DIDO1: variants seen among roughly 807,000 people sequenced by gnomAD.
The protein encoded by DIDO1 is death inducer-obliterator 1, also known as death-inducer obliterator 1.
A neutral mutation model predicts 99.4 loss-of-function variants in DIDO1; 16 were observed. The ratio of observed to expected loss-of-function variants is 0.16; its 90% confidence interval spans 0.11 to 0.24. The LOEUF is 0.24. Among genes scored for constraint, DIDO1 ranks in the 10% least tolerant of loss-of-function variants. DIDO1 has a pLI of 1.00. For synonymous variants in DIDO1, 1,366 were observed against 1,239.1 expected, an observed-to-expected ratio of 1.10 and a Z score of -2.15; for missense variants, 2,996 against 3,014.0, an observed-to-expected ratio of 0.99 and a Z score of 0.14.
chr20:62,905,460 C>T (rs1055388711), intron 6 of DIDO1: 2 of 1,538,872 alleles, frequency 1.3e-6, no homozygotes, highest in Non-Finnish European at 1.8e-6. Flanking sequence ...ATGTGCTGGC[C>T]GTGGACAATG....
Position 62,881,253 on chromosome 20 carries a change from G to T in DIDO1, c.4703C>A (p.Thr1568Asn). The change falls in exon 16 of 16, where the codon ACT (threonine) becomes AAT (asparagine). Residue 1568 changes from threonine (T) to asparagine (N), a missense_variant. By Grantham distance (65) the Thr-to-Asn change is moderately conservative (BLOSUM62 0). This residue lies in a region of DIDO1 where 1,562 missense variants were observed against 1,412.6 expected (regional missense o/e 1.11). Transcript: ENST00000395343. This position sits in a 1 kb window ranked among gnomAD's most constrained non-coding sequence, Gnocchi z 8.3. ...CTCCCCCTCCCCCTCACCGGTCTCAGTGGCCAGGCGCCTCGCCTGCCGGGG... is the reference window on the plus strand; with the variant it reads ...CTCCCCCTCCCCCTCACCGGTCTCATTGGCCAGGCGCCTCGCCTGCCGGGG... ...RDPRQARRLA[T>N]ETGEGEGEPL... 6.2e-7 allele frequency: 1 copy of T among 1,602,898 alleles called. No individual in the cohort carries two copies.
chr20:62,929,692 A>G (rs1158325042), upstream of DIDO1, among the ~76,000 whole-genome samples: 1 of 63,710 alleles, frequency 1.6e-5, no homozygotes, highest in African/African-American at 7.6e-5. Flanking sequence ...AAAAAGAAAA[A>G]GTGTATATAT....
At position 62,882,187 on chromosome 20, in the gene DIDO1, G is replaced by A. The variant is rs906699124; in HGVS notation, c.3769C>T (p.Pro1257Ser). 6.2e-7 allele frequency: 1 copy of A among 1,613,534 alleles called. No homozygotes were observed. Among genetic ancestry groups the A allele is most frequent in the Non-Finnish European group, 8.5e-7 (1 of 1,180,036 alleles). Reference protein sequence around the residue: ...CSADAAVSTTPPGSPPPPPPL... With the variant: ...CSADAAVSTTSPGSPPPPPPL... ...GGCGGAGGCGGCGGCGACCCAGGAG[G>A]TGTGGTGCTGACAGCCGCGTCTGCA... Residue 1257 changes from proline to serine, a missense_variant, in exon 16 of 16, where the codon CCT becomes TCT. This residue lies in a region of DIDO1 where 1,562 missense variants were observed against 1,412.6 expected (regional missense o/e 1.11). Coordinates refer to ENST00000395343, the MANE Select transcript of DIDO1 (RefSeq NM_001193369.2).
rs1283697853 is a variant in DIDO1, at chr20:62,907,951, G to GTT, written c.1162-593_1162-592insAA. 8.5e-5 allele frequency among the ~76,000 whole-genome samples: 13 copies of GTT among 152,258 alleles called. No individual in the cohort carries two copies. In the South Asian group the frequency reaches 2.7e-3, roughly 32 times the overall value. ...GATAAACAATGAGTAATTTTTCAGT[G>GTT]TAAGTATGCCCCCCAAATTGCATGA... is the stretch of plus-strand genomic sequence containing the variant. On this transcript the variant is annotated intron_variant, in intron 4 of 15. Coordinates refer to ENST00000395343, the MANE Select transcript of DIDO1 (RefSeq NM_001193369.2).
intron 1 of DIDO1, among the ~76,000 whole-genome samples, chr20:62,926,061 C>A (rs2065247054): frequency 6.6e-6 from 1 of 152,086 alleles, no homozygotes; most frequent in African/African-American, 2.4e-5. Context: ...ACGCAGCCCC[C>A]GAGCCCCGGG....
intron 1 of DIDO1, among the ~76,000 whole-genome samples, chr20:62,918,941 GCGACAGTCA>G (rs1361619244): frequency 6.6e-6 from 1 of 152,138 alleles, no homozygotes; most frequent in East Asian, 1.9e-4. Context: ...TTTCATTAAT[GCGACAGTCA>G]CTAGGAGAAT....
chr20:62,893,670 T>C lies in DIDO1; in HGVS notation c.3097A>G (p.Ile1033Val), dbSNP rs2064448191. Residue 1033 changes from isoleucine (I) to valine (V), a missense_variant, in exon 12 of 16, where the codon ATC (isoleucine) becomes GTC (valine). This residue lies in a region of DIDO1 where 898 missense variants were observed against 972.7 expected (regional missense o/e 0.92). Coordinates refer to ENST00000395343, the MANE Select transcript of DIDO1 (RefSeq NM_001193369.2). Reference sequence around the variant, plus strand: ...GACCACACCTGAAGTACGCACCTGATATTTGGTGACGGAGGAACTGACAGG... The same window carrying C: ...GACCACACCTGAAGTACGCACCTGACATTTGGTGACGGAGGAACTGACAGG... ...RYLSVPPSPN[I>V]STSESRSPPE... The C allele has an allele frequency of 3.1e-6, 5 of 1,597,892 alleles. No homozygotes were observed. Among genetic ancestry groups the C allele is most frequent in the Non-Finnish European group, 4.3e-6 (5 of 1,166,994 alleles).
chr20:62,910,956 G>A lies in DIDO1; in HGVS notation c.657C>T (p.Pro219=), dbSNP rs752979000. ...VEGVLPSKQE[P]ENDQGVVSQA... is the part of the protein sequence containing the mutation. ...GGGACACAACCCCCTGATCGTTCTC[G>A]GGCTCCTGCTTACTGGGCAGGACGC... Residue 219 remains proline (P), a synonymous_variant, in exon 3 of 16, where the codon CCC becomes CCT. Transcript: ENST00000395343. The A allele has an allele frequency of 1.4e-5, 23 of 1,613,988 alleles. No homozygotes were observed. The East Asian group carries it at 3.6e-4, about 25-fold the overall frequency.
chr20:62,898,759 A>C (rs1005844869), intron 6 of DIDO1, among the ~76,000 whole-genome samples: 1 of 152,348 alleles, frequency 6.6e-6, no homozygotes, highest in Admixed American at 6.5e-5. Flanking sequence ...ACTATAAAAA[A>C]TGGCAACGTC....
intron 15 of DIDO1, chr20:62,887,590 G>A (rs1298370847): frequency 1.0e-6 from 1 of 985,516 alleles, no homozygotes; most frequent in East Asian, 1.1e-4. Context: ...AGGCATTTCA[G>A]ACCAAGGCTC....
intron 1 of DIDO1, among the ~76,000 whole-genome samples, chr20:62,917,202 A>T (rs887031763): frequency 6.7e-6 from 1 of 150,068 alleles, no homozygotes; most frequent in Admixed American, 6.6e-5. Flanking sequence ...TAATTTTTGC[A>T]TTTTTTTTTG....
intron 6 of DIDO1, among the ~76,000 whole-genome samples, chr20:62,903,011 G>A (rs1050932055): frequency 6.6e-6 from 1 of 152,042 alleles, no homozygotes; most frequent in Admixed American, 6.5e-5. Flanking sequence ...CTGACTTCAT[G>A]CCTCGACAAT....
intron 1 of DIDO1, among the ~76,000 whole-genome samples, chr20:62,925,333 C>A (rs752407679): frequency 5.3e-5 from 8 of 152,186 alleles, no homozygotes; most frequent in Non-Finnish European, 1.0e-4. Flanking sequence ...CCTTAAAAGG[C>A]ACTGCTAAGG....
chr20:62,892,515 T>C (rs1360952564), intron 13 of DIDO1, among the ~76,000 whole-genome samples: 1 of 152,140 alleles, frequency 6.6e-6, no homozygotes, highest in Admixed American at 6.5e-5. Flanking sequence ...GCTGTGCCGG[T>C]GGCTGTGCGC....
chr20:62,921,059 AT>A (rs923598869), intron 1 of DIDO1, among the ~76,000 whole-genome samples: 2 of 151,538 alleles, frequency 1.3e-5, no homozygotes, highest in African/African-American at 4.9e-5. Context: ...ATGCCGAGTT[AT>A]TTTTTTTGTG....
rs1315008485 is a variant in DIDO1, at chr20:62,881,263, G to T, written c.4693C>A (p.Arg1565Ser). 3.1e-6 allele frequency: 5 copies of T among 1,601,798 alleles called. No homozygotes were observed. The highest frequency in any genetic ancestry group is 4.2e-6 in the Non-Finnish European group (5 of 1,178,172). Residue 1565 changes from arginine (R) to serine (S), a missense_variant, in exon 16 of 16, where the codon CGC becomes AGC. By Grantham distance (110) the Arg-to-Ser change is moderately radical (BLOSUM62 -1). Coordinates refer to ENST00000395343, the MANE Select transcript of DIDO1 (RefSeq NM_001193369.2). The surrounding 1 kb of genome is among the most constrained non-coding windows in gnomAD (Gnocchi z 8.3). ...CCCTCACCGGTCTCAGTGGCCAGGC[G>T]CCTCGCCTGCCGGGGGTCCCTGTGG... is the stretch of plus-strand genomic sequence containing the variant. Reference protein sequence around the residue: ...SNHRDPRQARRLATETGEGEG... With the variant: ...SNHRDPRQARSLATETGEGEG...
intron 15 of DIDO1, among the ~76,000 whole-genome samples, chr20:62,885,030 TA>T (rs2147363275): frequency 6.6e-6 from 1 of 152,368 alleles, no homozygotes; most frequent in Non-Finnish European, 1.5e-5. Context: ...CTGAATAAGC[TA>T]TTACACAGCT....
chr20:62,891,742 C>T (rs1281522955), intron 14 of DIDO1, among the ~76,000 whole-genome samples: 1 of 150,530 alleles, frequency 6.6e-6, no homozygotes, highest in Non-Finnish European at 1.5e-5. Flanking sequence ...CACCTTCACA[C>T]AGTCATACAA....
intron 6 of DIDO1, among the ~76,000 whole-genome samples, chr20:62,900,173 A>C (rs540797751): frequency 6.6e-5 from 10 of 152,266 alleles, no homozygotes; most frequent in African/African-American, 2.4e-4. Context: ...GATGCCTGAG[A>C]GCCAGGGGTC....
Sources: allele counts gnomAD v4.1 joint callset (sites outside exome capture counted in the v4.1 genomes callset), GRCh38; gene constraint gnomAD v4.1.1; regional missense constraint gnomAD v4.1.1; non-coding constraint Gnocchi (gnomAD v3.1); transcripts MANE v1.5; gene names NCBI Gene and HGNC (gene_info 2026-07-23, HGNC 2026-07-21).